SCRN1: variants seen among roughly 807,000 people sequenced by gnomAD.
SCRN1 encodes secernin-1.
Under a neutral mutation model 43.3 loss-of-function variants are expected in SCRN1, and 19 were observed. The ratio of observed to expected loss-of-function variants is 0.44; its 90% CI spans 0.31 to 0.64. The LOEUF (loss-of-function observed/expected upper bound fraction) is 0.64. Among genes scored for constraint, SCRN1 ranks in the 30% least tolerant of loss-of-function variants. The probability of loss-of-function intolerance (pLI) is 0.09; values close to 1 mark genes in which losing one functional copy is unlikely to be tolerated. For missense variants in SCRN1, 447 were observed against 524.1 expected, an observed-to-expected ratio of 0.85 and a Z score of 1.44; for synonymous variants, 183 against 188.9, an observed-to-expected ratio of 0.97 and a Z score of 0.26.
chr7:29,980,389 T>A (rs991750108), intron 1 of SCRN1, among the ~76,000 whole-genome samples: 3 of 152,344 alleles, frequency 2.0e-5, no homozygotes, highest in Middle Eastern at 3.4e-3. Context: ...TGTCCACTAA[T>A]TTGGCAAGGT....
At position 29,921,000 on chromosome 7, in the gene SCRN1, T is replaced by A. The variant is rs1269393474; in HGVS notation, c.*2957A>T. The A allele has an allele frequency of 6.6e-6, 1 of 152,662 alleles. No individual in the cohort carries two copies. Among genetic ancestry groups the A allele is most frequent in the African/African-American group, 2.4e-5 (1 of 41,468 alleles). The allele number at this position is 152,662 out of a possible 1,614,324, so 9.5% of individuals were successfully genotyped here. A position where few individuals can be genotyped will look rare whatever the true frequency, so the allele number is the denominator to read the frequency against. On this transcript the variant is annotated 3_prime_UTR_variant, in exon 8 of 8. Transcript: ENST00000242059. ...CCTCCAAGAATGAAAGGGTACTATT[T>A]CTGCTTTGCTAATTTACTCCTGCCA... is the stretch of plus-strand genomic sequence containing the variant.
In SCRN1 at chr7:29,943,924, A is replaced by G. The variant is rs548868995; in HGVS notation, c.544+53T>C. 17 of 1,539,812 alleles carry G rather than the reference A, an allele frequency of 1.1e-5. No individual in the cohort carries two copies. In the East Asian group the frequency reaches 3.4e-4, roughly 31 times the overall value. On this transcript the variant is annotated intron_variant, in intron 4 of 7. Transcript: ENST00000242059. The stretch of plus-strand genomic sequence containing the variant: ...TGACACTGTACGTGCAGGCCACCCC[A>G]TCTCTGTGGCCTTCCCTGTCCTCAG...
intron 1 of SCRN1, among the ~76,000 whole-genome samples, chr7:29,983,858 A>G (rs181147050): frequency 4.2e-4 from 64 of 152,328 alleles, no homozygotes; most frequent in Non-Finnish European, 6.6e-4. Context: ...ACTGAGATGA[A>G]TAAGTGTTGC....
rs1396173846 is a variant in SCRN1, at chr7:29,926,626, T to C, written c.912A>G (p.Ile304Met). 1.9e-6 allele frequency: 3 copies of C among 1,613,530 alleles called. No individual in the cohort carries two copies. The highest frequency in any genetic ancestry group is 2.5e-6 in the Non-Finnish European group (3 of 1,179,806). The change falls in exon 7 of 8, where the codon ATA (isoleucine) becomes ATG (methionine). Residue 304 changes from isoleucine to methionine, a missense_variant. By Grantham distance (10) the Ile-to-Met change is conservative. Transcript: ENST00000242059. The part of the protein sequence containing the change: ...FTGTPDPSRS[I>M]FKPFIFVDDV... ...CATCAACAAAGATGAAAGGCTTGAA[T>C]ATGGACCTGGAGAGGAAGGAGAGGC...
At chr7:29,939,755 A>G (rs1321584998) in intron 5 of SCRN1, among the ~76,000 whole-genome samples, 2 of 152,244 alleles carry the variant, frequency 1.3e-5, no homozygotes, top group African/African-American at 4.8e-5. Flanking sequence ...CAACAAATAT[A>G]GAATGACTGT....
intron 6 of SCRN1, among the ~76,000 whole-genome samples, chr7:29,929,891 G>A (rs1048639707): frequency 6.6e-6 from 1 of 152,210 alleles, no homozygotes; most frequent in African/African-American, 2.4e-5. Flanking sequence ...TCTATGTGAT[G>A]TAACTTTAAA....
chr7:29,943,807 T>C (rs1413783843), intron 4 of SCRN1, among the ~76,000 whole-genome samples, 170 bp downstream of exon 4: 1 of 152,206 alleles, frequency 6.6e-6, no homozygotes, highest in Non-Finnish European at 1.5e-5. Context: ...CTCCAGGTTC[T>C]CTTCTTGGAG....
Position 29,969,889 on chromosome 7 carries a change from T to C in SCRN1, c.-1-821A>G, listed in dbSNP as rs1246948711. On this transcript the variant is annotated intron_variant, in intron 1 of 7. Transcript: ENST00000242059. ...CTTCCCTTTTCAAGGTTCTTTATCT[T>C]GGTAGCCAAGGTAACCATCCTTGCC... 7 of 456,520 alleles carry C rather than the reference T, an allele frequency of 1.5e-5. No individual in the cohort carries two copies. In the Admixed American group the frequency reaches 1.6e-4, roughly 11 times the overall value. The allele number at this position is 456,520 out of a possible 1,614,324, so 28.3% of individuals were successfully genotyped here.
At chr7:29,954,194 C>T (rs576358025) in intron 3 of SCRN1, among the ~76,000 whole-genome samples, 1 of 152,070 alleles carries the variant, frequency 6.6e-6, no homozygotes, top group East Asian at 1.9e-4. Context: ...CTATCCAGCT[C>T]GCACAGCAGG....
chr7:29,963,044 T>TA (rs202064752), intron 2 of SCRN1, among the ~76,000 whole-genome samples: 3,190 of 140,380 alleles, frequency 0.023, 45 homozygotes, highest in South Asian at 0.061. Context: ...GTCAATTCTT[T>TA]AAAAAAAAAA....
chr7:29,986,103 G>C (rs1014393858), intron 1 of SCRN1, among the ~76,000 whole-genome samples: 6 of 152,310 alleles, frequency 3.9e-5, no homozygotes, highest in Non-Finnish European at 7.3e-5. Flanking sequence ...GGCTGTGGTG[G>C]CGCACGCCTG....
intron 1 of SCRN1, among the ~76,000 whole-genome samples, chr7:29,986,165 G>A (rs1789144696): frequency 6.6e-6 from 1 of 152,238 alleles, no homozygotes; most frequent in African/African-American, 2.4e-5. Context: ...GAACCCTGGA[G>A]GCAGAGGTTG....
In SCRN1 at chr7:29,957,004, C is replaced by T. The variant is rs901459280; in HGVS notation, c.160-1644G>A. On this transcript the variant is annotated intron_variant, in intron 2 of 7. Coordinates refer to ENST00000242059, the MANE Select transcript of SCRN1 (RefSeq NM_014766.5). ...ACCAACACTTTCCAAAACCCCTGTC[C>T]GCACTGAGTGCCAGTGGCAACTTTT... Among the ~76,000 whole-genome samples the T allele has an allele frequency of 1.1e-4, 17 of 152,284 alleles. No individual in the cohort carries two copies. The South Asian group carries it at 1.7e-3, about 15-fold the overall frequency.
chr7:29,981,835 C>T (rs1788999844), intron 1 of SCRN1, among the ~76,000 whole-genome samples: 1 of 152,184 alleles, frequency 6.6e-6, no homozygotes, highest in African/African-American at 2.4e-5. Context: ...TGGTCTTTGC[C>T]ATCCCTTCCA....
At chr7:29,928,541 T>G (rs1400029771) in intron 6 of SCRN1, among the ~76,000 whole-genome samples, 2 of 152,242 alleles carry the variant, frequency 1.3e-5, no homozygotes, top group Admixed American at 1.3e-4. Flanking sequence ...AGTTGAGGAC[T>G]AGTGTCAGGT....
chr7:29,929,638 TG>T (rs1787091755), intron 6 of SCRN1, among the ~76,000 whole-genome samples: 1 of 152,228 alleles, frequency 6.6e-6, no homozygotes, highest in Non-Finnish European at 1.5e-5. Context: ...GGCTGGGACT[TG>T]GAACGGGGGT....
At chr7:29,955,126 C>A in intron 3 of SCRN1, 53 bp downstream of exon 3, 1 of 1,498,850 alleles carries the variant, frequency 6.7e-7, no homozygotes, top group Non-Finnish European at 9.2e-7. Flanking sequence ...TAAATCCTGT[C>A]CCCATTTCCA....
intron 3 of SCRN1, among the ~76,000 whole-genome samples, chr7:29,944,583 A>G (rs1163787164): frequency 6.6e-6 from 1 of 151,096 alleles, no homozygotes; most frequent in Non-Finnish European, 1.5e-5. Context: ...CGATCGCTTA[A>G]GCCAAGCAGG....
chr7:29,926,755 AC>A, intron 6 of SCRN1, 123 bp from the exon 7 acceptor site: 1 of 556,106 alleles, frequency 1.8e-6, no homozygotes, highest in Non-Finnish European at 3.0e-6. Flanking sequence ...GGTGTGGGTG[AC>A]GGGTGGGTGG....
Sources: allele counts gnomAD v4.1 joint callset (sites outside exome capture counted in the v4.1 genomes callset), GRCh38; gene constraint gnomAD v4.1.1; transcripts MANE v1.5; gene names NCBI Gene and HGNC (gene_info 2026-07-23, HGNC 2026-07-21).